MED13: variants seen among roughly 807,000 people sequenced by gnomAD.
The protein encoded by MED13 is mediator complex subunit 13.
Under a neutral mutation model 225.2 loss-of-function variants are expected in MED13, and 23 were observed. The observed-to-expected ratio is 0.10, with a 90% CI of 0.07 to 0.14. The LOEUF is 0.14. MED13 is among the 10% of genes least tolerant of loss of function. The probability of loss-of-function intolerance (pLI) is 1.00; values close to 1 mark genes in which losing one functional copy is unlikely to be tolerated. For missense variants in MED13, 2,197 were observed against 2,594.5 expected (o/e 0.85, Z 3.33); for synonymous variants, 942 against 889.2 (o/e 1.06, Z -1.06).
intron 5 of MED13, among the ~76,000 whole-genome samples, chr17:62,031,850 CAGT>C: frequency 6.7e-6 from 1 of 149,888 alleles, no homozygotes; most frequent in Non-Finnish European, 1.5e-5. Context: ...AATAAGCTGT[CAGT>C]GGTGGTTATC....
At position 61,968,112 on chromosome 17, in the gene MED13, C is replaced by T; in HGVS notation, c.4114G>A (p.Val1372Ile). ...PYGSQRDIAY[V>I]VLCPENEALL... ...GCTTCATTTTCTGGACACAGTACAA[C>T]ATAGGCTATATCTCTTTGAGATCCA... is the stretch of plus-strand genomic sequence containing the variant. The change falls in exon 18 of 30, where the codon GTT (valine) becomes ATT (isoleucine). Residue 1372 changes from valine to isoleucine, a missense_variant. Coordinates refer to ENST00000397786, the MANE Select transcript of MED13 (RefSeq NM_005121.3). 1 of 1,614,072 alleles carries T rather than the reference C, an allele frequency of 6.2e-7. No individual in the cohort carries two copies. Among genetic ancestry groups the T allele is most frequent in the Non-Finnish European group, 8.5e-7 (1 of 1,179,998 alleles).
chr17:62,039,184 A>G (rs2080831451), intron 3 of MED13, among the ~76,000 whole-genome samples: 1 of 152,210 alleles, frequency 6.6e-6, no homozygotes, highest in South Asian at 2.1e-4. Context: ...ACTACCTCCT[A>G]TACTGCTAGC....
chr17:62,007,993 T>C (rs1603401282), intron 9 of MED13, among the ~76,000 whole-genome samples: 1 of 117,074 alleles, frequency 8.5e-6, no homozygotes, highest in Admixed American at 1.1e-4. Context: ...CACTCCAGCC[T>C]GGAGGAAAGA....
intron 19 of MED13, 116 bp downstream of exon 19, chr17:61,966,341 CAGAGA>C: frequency 1.2e-6 from 1 of 802,310 alleles, no homozygotes; most frequent in Non-Finnish European, 2.0e-6. Flanking sequence ...CAAAAGCAGC[CAGAGA>C]AAATACATAA....
At position 61,982,647 on chromosome 17, in the gene MED13, T is replaced by C; in HGVS notation, c.3356A>G (p.Gln1119Arg). The C allele has an allele frequency of 6.2e-7, 1 of 1,614,216 alleles. No individual in the cohort carries two copies. The highest frequency in any genetic ancestry group is 8.5e-7 in the Non-Finnish European group (1 of 1,180,040). Residue 1119 changes from glutamine (Q) to arginine (R), a missense_variant, in exon 16 of 30, where the codon CAA (glutamine) becomes CGA (arginine). By Grantham distance (43) the Gln-to-Arg change is conservative (BLOSUM62 1). Around this residue, in one of 12 missense-constraint regions of MED13, gnomAD observed 99 missense variants for 158.5 expected, o/e 0.62. Coordinates refer to ENST00000397786, the MANE Select transcript of MED13 (RefSeq NM_005121.3). ...VYIPDPTQEA[Q>R]YRCTCGFSAV... ...ACTGAAGCCACAGGTACACCTATAT[T>C]GTGCTTCCTGCGTTGGATCTGGAAT...
At chr17:62,024,641 T>A (rs2080682616) in intron 8 of MED13, among the ~76,000 whole-genome samples, 1 of 152,192 alleles carries the variant, frequency 6.6e-6, no homozygotes, top group Non-Finnish European at 1.5e-5. Context: ...ATCACACAGG[T>A]ATTAAAGGAC....
chr17:61,943,211 A>G lies in MED13; in HGVS notation c.*3257T>C, dbSNP rs1016620050. The G allele has an allele frequency of 9.2e-5, 14 of 152,586 alleles. No individual in the cohort carries two copies. The highest frequency in any genetic ancestry group is 7.9e-4 in the Admixed American group (12 of 15,278). The allele number at this position is 152,586 out of a possible 1,614,324, so 9.5% of individuals were successfully genotyped here. A position where few individuals can be genotyped will look rare whatever the true frequency, so the allele number is the denominator to read the frequency against. On this transcript the variant is annotated 3_prime_UTR_variant, in exon 30 of 30. Transcript: ENST00000397786. ...AATTCAGACAAACTAAAATCTTAAGAGGAAACCCAGACCAAAATATCACTC... is the reference window on the plus strand; with the variant it reads ...AATTCAGACAAACTAAAATCTTAAGGGGAAACCCAGACCAAAATATCACTC...
intron 18 of MED13, among the ~76,000 whole-genome samples, chr17:61,967,795 T>C (rs562699175): frequency 5.8e-4 from 88 of 152,326 alleles, no homozygotes; most frequent in African/African-American, 2.1e-3. Context: ...AAGGGATATA[T>C]ATCTATATGC....
In MED13 at chr17:62,029,972, C is replaced by A; in HGVS notation, c.1051G>T (p.Val351Leu). ...SVQKWVKFSS[V>L]SDGFNSDSTS... The stretch of plus-strand genomic sequence containing the variant: ...CTATCGGAGTTGAAGCCATCAGATA[C>A]TGAAGAAAATTTGACCCACTTCTGG... The change falls in exon 7 of 30, where the codon GTA becomes TTA. Residue 351 changes from valine (V) to leucine (L), a missense_variant. Physicochemically the swap from Val to Leu is conservative, Grantham distance 32. Transcript: ENST00000397786. 6.2e-7 allele frequency: 1 copy of A among 1,611,272 alleles called. No homozygotes were observed. Among genetic ancestry groups the A allele is most frequent in the Non-Finnish European group, 8.5e-7 (1 of 1,179,226 alleles).
At chr17:62,049,757 C>G (rs1439986857) in intron 3 of MED13, among the ~76,000 whole-genome samples, 1 of 151,612 alleles carries the variant, frequency 6.6e-6, no homozygotes, top group Admixed American at 6.6e-5. Context: ...GGTGAAACCC[C>G]ATCTCTACTA....
chr17:62,006,105 G>GT (rs1275424733), intron 9 of MED13: 1 of 151,998 alleles, frequency 6.6e-6, no homozygotes, highest in Non-Finnish European at 1.5e-5. Flanking sequence ...AGCAGAAAAA[G>GT]TTCACAGCCT....
chr17:61,961,857 A>T, intron 21 of MED13, 78 bp from the exon 22 acceptor site: 1 of 1,354,706 alleles, frequency 7.4e-7, no homozygotes, highest in Non-Finnish European at 1.0e-6. Context: ...AAAACTCTAA[A>T]AACTTTTTAC....
chr17:61,958,400 G>A (rs2079968137), intron 23 of MED13, among the ~76,000 whole-genome samples: 1 of 151,360 alleles, frequency 6.6e-6, no homozygotes, highest in South Asian at 2.1e-4. Context: ...GTGCAGTGGT[G>A]TGATCTCGGC....
intron 3 of MED13, among the ~76,000 whole-genome samples, chr17:62,043,156 C>CAAAAAAAAAAAAAAAAA (rs764530614): frequency 9.8e-4 from 31 of 31,688 alleles, no homozygotes; most frequent in East Asian, 2.0e-3. Context: ...ACCCTGTCTC[C>CAAAAAAAAAAAAAAAAA]AAAAAAAAAA....
chr17:61,973,108 C>T (rs2080123900), intron 16 of MED13, among the ~76,000 whole-genome samples: 1 of 152,158 alleles, frequency 6.6e-6, no homozygotes, highest in Admixed American at 6.5e-5. Flanking sequence ...TAAAAAGTTA[C>T]TGTAACTTAT....
intron 16 of MED13, among the ~76,000 whole-genome samples, chr17:61,977,660 C>G (rs1374206815): frequency 6.6e-6 from 1 of 152,166 alleles, no homozygotes; most frequent in African/African-American, 2.4e-5. Context: ...ACCGTGTTAG[C>G]CAGGATGTTC....
chr17:62,014,903 G>A lies in MED13; in HGVS notation c.1284-3670C>T, dbSNP rs547570636. ...AACACAGCTAGTATTGGATAGCTCA[G>A]CTCTACAGCTACCTTCCATTTATAG... On this transcript the variant is annotated intron_variant, in intron 8 of 29. Transcript: ENST00000397786. 2.0e-5 allele frequency among the ~76,000 whole-genome samples: 3 copies of A among 152,276 alleles called. No individual in the cohort carries two copies. In the South Asian group the frequency reaches 6.2e-4, roughly 32 times the overall value.
chr17:62,007,209 C>T (rs1452686102), intron 9 of MED13: 1 of 152,164 alleles, frequency 6.6e-6, no homozygotes, highest in Non-Finnish European at 1.5e-5. Flanking sequence ...CCACTGCACT[C>T]CAGCCTGGAC....
At chr17:62,017,030 T>TAATA (rs546974415) in intron 8 of MED13, among the ~76,000 whole-genome samples, 2,354 of 149,802 alleles carry the variant, frequency 0.016, 31 homozygotes, top group Non-Finnish European at 0.027. Context: ...ATAATAATAA[T>TAATA]AATAAATAAA....
Sources: gnomAD v4.1 joint callset for allele counts (sites outside exome capture counted in the v4.1 genomes callset) on GRCh38, gnomAD v4.1.1 for gene constraint, gnomAD v4.1.1 regional missense constraint, MANE v1.5 for transcripts, NCBI Gene and HGNC (gene_info 2026-07-23, HGNC 2026-07-21) for gene names.